The following KREMEN1 variants were observed in gnomAD, a reference collection of about 807,000 sequenced individuals.
The protein encoded by KREMEN1 is kremen protein 1.
In KREMEN1, 30 loss-of-function variants were observed where a neutral mutation model predicts 46.5. That is an observed-to-expected ratio of 0.65 (90% CI 0.48 to 0.88). The LOEUF is 0.88. Ranked by LOEUF, KREMEN1 falls within the 40% of genes least tolerant of loss-of-function variation. The probability of loss-of-function intolerance (pLI) is 0.00; values close to 1 mark genes in which losing one functional copy is unlikely to be tolerated. For synonymous variants in KREMEN1, 214 were observed against 230.6 expected, an observed-to-expected ratio of 0.93 and a Z score of 0.65; for missense variants, 533 against 596.9, an observed-to-expected ratio of 0.89 and a Z score of 1.11.
chr22:29,121,533 A>G, intron 4 of KREMEN1, 52 bp downstream of exon 4: 2 of 1,592,862 alleles, frequency 1.3e-6, no homozygotes, highest in Non-Finnish European at 1.7e-6. Flanking sequence ...ATGTAAATGC[A>G]TTTTGCTGAG....
intron 9 of KREMEN1, among the ~76,000 whole-genome samples, chr22:29,162,532 C>T (rs771587486): frequency 6.6e-6 from 1 of 152,110 alleles, no homozygotes; most frequent in Non-Finnish European, 1.5e-5. Context: ...GCCTGGCCAA[C>T]ATGGTGAAAC....
At chr22:29,104,201 A>G (rs1435256525) in intron 3 of KREMEN1, among the ~76,000 whole-genome samples, 2 of 147,520 alleles carry the variant, frequency 1.4e-5, no homozygotes, top group African/African-American at 2.5e-5. Context: ...CCTGTCACAC[A>G]TGTTGGAGTG....
chr22:29,125,579 C>T (rs964834675), intron 5 of KREMEN1, among the ~76,000 whole-genome samples, 163 bp downstream of exon 5: 1 of 149,546 alleles, frequency 6.7e-6, no homozygotes, highest in African/African-American at 2.4e-5. Flanking sequence ...CATGAAGACT[C>T]AGCCCCTGCC....
intron 9 of KREMEN1, among the ~76,000 whole-genome samples, chr22:29,163,101 G>T (rs2039025316): frequency 6.6e-6 from 1 of 152,118 alleles, no homozygotes; most frequent in Non-Finnish European, 1.5e-5. Context: ...TAATCCCCAC[G>T]TGTTGAGGGA....
intron 5 of KREMEN1, among the ~76,000 whole-genome samples, chr22:29,127,556 G>A (rs937082568): frequency 6.6e-6 from 1 of 152,060 alleles, no homozygotes; most frequent in Non-Finnish European, 1.5e-5. Context: ...CCAGCTACTC[G>A]GGAGGCTGAG....
In KREMEN1 at chr22:29,142,926, G is replaced by A; in HGVS notation, c.*814G>A. ...GCACTGTGGGAGGCTGAGGCGGGCA[G>A]ATCACCTGAGGTCAGGAGTTCGAGA... On this transcript the variant is annotated 3_prime_UTR_variant, in exon 9 of 9. Coordinates refer to ENST00000400335, the MANE Select transcript of KREMEN1 (RefSeq NM_001039570.3). 1.1e-6 allele frequency: 1 copy of A among 913,652 alleles called. No homozygotes were observed. Among genetic ancestry groups the A allele is most frequent in the Non-Finnish European group, 1.3e-6 (1 of 764,552 alleles). The allele number at this position is 913,652 out of a possible 1,614,324, so 56.6% of individuals were successfully genotyped here.
chr22:29,144,972 G>A lies in KREMEN1; in HGVS notation c.*2860G>A, dbSNP rs183097548. 913 of 985,566 alleles carry A rather than the reference G, an allele frequency of 9.3e-4. 3 individuals are homozygous for A. Among genetic ancestry groups the A allele is most frequent in the African/African-American group, 4.9e-3 (283 of 57,374 alleles). The allele number at this position is 985,566 out of a possible 1,614,324, so 61.1% of individuals were successfully genotyped here. ...CGCCTCTAGGATCAACTTACGATCC[G>A]TGGAGCAGCCCCGGGAAACCCAAAT... On this transcript the variant is annotated 3_prime_UTR_variant, in exon 9 of 9. Coordinates refer to ENST00000400335, the MANE Select transcript of KREMEN1 (RefSeq NM_001039570.3).
At chr22:29,149,310 G>A (rs779180138), downstream of KREMEN1, among the ~76,000 whole-genome samples, 1 of 151,970 alleles carries the variant, frequency 6.6e-6, no homozygotes, top group Non-Finnish European at 1.5e-5. Flanking sequence ...CTACAGGCAC[G>A]TGCCACCATG....
chr22:29,166,357 C>T (rs1297635237), intron 9 of KREMEN1, among the ~76,000 whole-genome samples: 6 of 152,078 alleles, frequency 3.9e-5, no homozygotes, highest in Non-Finnish European at 8.8e-5. Context: ...GGTCATGCAC[C>T]TGCTGGACAG....
intron 3 of KREMEN1, among the ~76,000 whole-genome samples, chr22:29,119,917 TG>T (rs2038303655): frequency 6.6e-6 from 1 of 152,170 alleles, no homozygotes; most frequent in Non-Finnish European, 1.5e-5. Flanking sequence ...ATTATCCAGG[TG>T]AGACCAATGT....
At position 29,142,089 on chromosome 22, in the gene KREMEN1, C is replaced by T. The variant is rs200763396; in HGVS notation, c.1354C>T (p.Arg452Cys). 2.0e-5 allele frequency: 32 copies of T among 1,609,012 alleles called. No individual in the cohort carries two copies. In the African/African-American group the frequency reaches 2.4e-4, roughly 12 times the overall value. Residue 452 changes from arginine (R) to cysteine (C), a missense_variant, in exon 9 of 9, where the codon CGC becomes TGC. Coordinates refer to ENST00000400335, the MANE Select transcript of KREMEN1 (RefSeq NM_001039570.3). ...KLKGQSQQDD[R>C]NPLVSD The stretch of plus-strand genomic sequence containing the variant: ...CAAGGGTCAGAGTCAACAAGATGAC[C>T]GCAATCCCCTTGTGAGTGACTAAAA...
intron 9 of KREMEN1, among the ~76,000 whole-genome samples, chr22:29,161,379 C>T (rs1197368619): frequency 2.0e-5 from 3 of 151,646 alleles, no homozygotes; most frequent in Non-Finnish European, 2.9e-5. Context: ...TGGTGGCAGG[C>T]GCCTGTAGTC....
intron 1 of KREMEN1, among the ~76,000 whole-genome samples, chr22:29,078,500 G>A (rs2037607311): frequency 6.6e-6 from 1 of 150,698 alleles, no homozygotes; most frequent in African/African-American, 2.4e-5. Flanking sequence ...AAAAAAAGAA[G>A]AAGAAGAAGA....
rs1601800755 is a variant in KREMEN1 at position 29,131,668 on chromosome 22, GTATATATATGCATATATACATGTATATA to G, written c.632-5672_632-5645del. Among the ~76,000 whole-genome samples, 4 of 98,086 alleles carry G rather than the reference GTATATATATGCATATATACATGTATATA, an allele frequency of 4.1e-5. No homozygotes were observed. In the South Asian group the frequency reaches 1.1e-3, roughly 28 times the overall value. 64.3% of individuals were successfully genotyped at this position (98,086 alleles called of 152,430 possible). On this transcript the variant is annotated intron_variant, in intron 5 of 8. Transcript: ENST00000400335. ...TGTATATATATGTATATATATACAT[GTATATATATGCATATATACATGTATATA>G]TGTGTATATATATGTATATATGTAT...
intron 8 of KREMEN1, among the ~76,000 whole-genome samples, chr22:29,141,416 C>T (rs897577273): frequency 2.0e-5 from 3 of 152,192 alleles, no homozygotes; most frequent in Non-Finnish European, 4.4e-5. Flanking sequence ...CTTCCTATAG[C>T]GTCCAGCATC....
intron 5 of KREMEN1, chr22:29,134,007 T>C (rs1055047506): frequency 6.6e-6 from 1 of 152,160 alleles, no homozygotes; most frequent in Non-Finnish European, 1.5e-5. Context: ...ATCAAAGGAA[T>C]TCTTCAGTGC....
At chr22:29,155,213 G>A (rs1050909901) in intron 9 of KREMEN1, among the ~76,000 whole-genome samples, 2 of 152,084 alleles carry the variant, frequency 1.3e-5, no homozygotes, top group Admixed American at 1.3e-4. Flanking sequence ...AACTCTTATT[G>A]TGGTCACCTT....
intron 5 of KREMEN1, among the ~76,000 whole-genome samples, chr22:29,126,550 T>C (rs2038447132): frequency 1.3e-5 from 2 of 152,312 alleles, no homozygotes; most frequent in African/African-American, 4.8e-5. Flanking sequence ...GAACCAATCA[T>C]TGGATTTAGG....
At chr22:29,150,467 G>A (rs147877992), downstream of KREMEN1, among the ~76,000 whole-genome samples, 196 of 152,328 alleles carry the variant, frequency 1.3e-3, 1 homozygote, top group African/African-American at 4.0e-3. Context: ...CCAAACACTC[G>A]GAAACAGCCA....
Sources: gnomAD v4.1 joint callset for allele counts (sites outside exome capture counted in the v4.1 genomes callset) on GRCh38, gnomAD v4.1.1 for gene constraint, MANE v1.5 for transcripts, NCBI Gene and HGNC (gene_info 2026-07-23, HGNC 2026-07-21) for gene names.